The following SMYD3 variants were observed in gnomAD, a reference collection of about 807,000 sequenced individuals.
SMYD3 encodes the protein histone-lysine N-methyltransferase SMYD3.
A neutral mutation model predicts 57.7 loss-of-function variants in SMYD3; 36 were observed. That is an observed-to-expected ratio of 0.62 (90% CI 0.48 to 0.82). The LOEUF (loss-of-function observed/expected upper bound fraction) is 0.82, where lower values mean the gene tolerates loss of function less well. Ranked by LOEUF, SMYD3 falls within the 40% of genes least tolerant of loss-of-function variation. SMYD3 has a pLI of 0.00. For missense variants in SMYD3, 515 were observed against 538.8 expected, an observed-to-expected ratio of 0.96 and a Z score of 0.44; for synonymous variants, 211 against 195.0, an observed-to-expected ratio of 1.08 and a Z score of -0.68.
At chr1:245,929,014 G>A (rs897617339) in intron 6 of SMYD3, among the ~76,000 whole-genome samples, 2 of 152,204 alleles carry the variant, frequency 1.3e-5, no homozygotes, top group African/African-American at 4.8e-5. Context: ...ACTTGAGCAT[G>A]TTCATCACAT....
At chr1:245,749,706 G>A (rs2147994700) in intron 11 of SMYD3, 42 bp from the exon 12 acceptor site, 1 of 1,520,466 alleles carries the variant, frequency 6.6e-7, no homozygotes, top group Non-Finnish European at 9.1e-7. Context: ...CCCAAAATAG[G>A]TGAGCTCAGG....
chr1:246,332,340 A>G (rs1386775955), intron 3 of SMYD3, among the ~76,000 whole-genome samples: 1 of 152,232 alleles, frequency 6.6e-6, no homozygotes. Flanking sequence ...TGGATATAGA[A>G]GATCAAAACA....
At chr1:245,764,211 CAGG>C (rs1237403595) in intron 10 of SMYD3, 62 bp from the exon 11 acceptor site, 2 of 1,105,620 alleles carry the variant, frequency 1.8e-6, no homozygotes, top group African/African-American at 3.1e-5. Flanking sequence ...AGCATTTCAT[CAGG>C]AGACTACGAA....
At chr1:245,839,817 A>G (rs1372313467) in intron 10 of SMYD3, among the ~76,000 whole-genome samples, 1 of 151,922 alleles carries the variant, frequency 6.6e-6, no homozygotes, top group African/African-American at 2.4e-5. Flanking sequence ...AATGAAGAAC[A>G]CTCAGTTCAT....
intron 10 of SMYD3, among the ~76,000 whole-genome samples, chr1:245,805,690 A>C (rs1386694170): frequency 6.6e-6 from 1 of 152,220 alleles, no homozygotes; most frequent in Non-Finnish European, 1.5e-5. Flanking sequence ...TTGAAAAATC[A>C]ATATTCAGTG....
At chr1:246,346,291 C>A (rs2065714929) in intron 2 of SMYD3, among the ~76,000 whole-genome samples, 2 of 151,840 alleles carry the variant, frequency 1.3e-5, no homozygotes, top group Non-Finnish European at 2.9e-5. Flanking sequence ...TCAAAAAAAA[C>A]AAACAAACTA....
At chr1:245,870,084 G>A (rs542923674) in intron 8 of SMYD3, among the ~76,000 whole-genome samples, 17 of 152,208 alleles carry the variant, frequency 1.1e-4, no homozygotes, top group Non-Finnish European at 2.1e-4. Flanking sequence ...TAAATCACTC[G>A]GTAAATATTT....
chr1:246,290,721 C>CT lies in SMYD3; in HGVS notation c.531+36479dup, dbSNP rs796178441. ...GAACTGAAAAACCCTATATTCTTTC[C>CT]TTTTTTTTCCTTCACATCCCATTTC... is the stretch of plus-strand genomic sequence containing the variant. On this transcript the variant is annotated intron_variant, in intron 5 of 11. Coordinates refer to ENST00000490107, the MANE Select transcript of SMYD3 (RefSeq NM_001167740.2). Among the ~76,000 whole-genome samples, 20 of 151,888 alleles carry CT rather than the reference C, an allele frequency of 1.3e-4. No individual in the cohort carries two copies. The South Asian group carries it at 2.3e-3, about 17-fold the overall frequency.
intron 5 of SMYD3, among the ~76,000 whole-genome samples, chr1:246,125,470 C>A (rs1331665258): frequency 2.0e-5 from 3 of 151,976 alleles, no homozygotes; most frequent in African/African-American, 7.3e-5. Context: ...TTCTAGAAAC[C>A]AGGTCTTTCA....
At chr1:246,267,881 G>A (rs1023794794) in intron 5 of SMYD3, among the ~76,000 whole-genome samples, 7 of 152,092 alleles carry the variant, frequency 4.6e-5, no homozygotes, top group Admixed American at 3.9e-4. Context: ...CAAAGTCTAG[G>A]GTCCTTTGTC....
intron 5 of SMYD3, chr1:245,988,326 T>C (rs1245439507): frequency 6.6e-6 from 1 of 152,234 alleles, no homozygotes. Flanking sequence ...CTCAGGTGTG[T>C]AGCTCTGGTC....
chr1:246,190,312 C>T (rs932478759), intron 5 of SMYD3, among the ~76,000 whole-genome samples: 10 of 152,224 alleles, frequency 6.6e-5, no homozygotes, highest in Admixed American at 2.6e-4. Context: ...GGAGGCCGGG[C>T]GCGGTGGCTC....
At chr1:246,357,957 T>C (rs775346196) in intron 1 of SMYD3, among the ~76,000 whole-genome samples, 1 of 152,124 alleles carries the variant, frequency 6.6e-6, no homozygotes, top group Non-Finnish European at 1.5e-5. Context: ...GAATAGTACC[T>C]CACATCTCAA....
chr1:246,053,334 A>T (rs12022431), intron 5 of SMYD3, among the ~76,000 whole-genome samples: 58,137 of 152,008 alleles, frequency 0.38, 14,041 homozygotes, highest in African/African-American at 0.66. Context: ...AAGCTGATTA[A>T]AAAATGTTTA....
At chr1:245,811,429 G>C (rs1256505475) in intron 10 of SMYD3, among the ~76,000 whole-genome samples, 1 of 152,112 alleles carries the variant, frequency 6.6e-6, no homozygotes, top group Non-Finnish European at 1.5e-5. Context: ...TTCTGTATGT[G>C]TACTCCCAGA....
intron 11 of SMYD3, among the ~76,000 whole-genome samples, chr1:245,756,199 GTA>G (rs1201255662): frequency 2.0e-5 from 3 of 149,802 alleles, no homozygotes; most frequent in Non-Finnish European, 4.4e-5. Context: ...AGATATATAT[GTA>G]TATAACTTAT....
chr1:246,401,331 T>C (rs2066764876), intron 1 of SMYD3, among the ~76,000 whole-genome samples: 1 of 151,910 alleles, frequency 6.6e-6, no homozygotes, highest in Non-Finnish European at 1.5e-5. Context: ...ACCCCATCTC[T>C]ATTTAAACTT....
intron 5 of SMYD3, among the ~76,000 whole-genome samples, chr1:246,322,662 CTT>C (rs1422349953): frequency 6.6e-6 from 1 of 152,068 alleles, no homozygotes; most frequent in African/African-American, 2.4e-5. Flanking sequence ...ATTGCTCACA[CTT>C]TACACTTTTA....
chr1:246,246,866 A>G (rs1308666434), intron 5 of SMYD3, among the ~76,000 whole-genome samples: 1 of 151,050 alleles, frequency 6.6e-6, no homozygotes, highest in Non-Finnish European at 1.5e-5. Context: ...TGTAACACAT[A>G]TATTACACTG....
Sources: gnomAD v4.1 joint callset for allele counts (sites outside exome capture counted in the v4.1 genomes callset) on GRCh38, gnomAD v4.1.1 for gene constraint, MANE v1.5 for transcripts, NCBI Gene and HGNC (gene_info 2026-07-23, HGNC 2026-07-21) for gene names.